Variants in MED14 observed in about 807,000 individuals in gnomAD.
MED14 encodes mediator of RNA polymerase II transcription subunit 14.
A neutral mutation model predicts 109.0 loss-of-function variants in MED14; 8 were observed. The ratio of observed to expected loss-of-function variants is 0.07; its 90% confidence interval spans 0.04 to 0.13. The LOEUF is 0.13. Ranked by LOEUF, MED14 falls within the 10% of genes least tolerant of loss-of-function variation. The pLI is 1.00. For missense variants in MED14, 711 were observed against 1,142.4 expected, an observed-to-expected ratio of 0.62 and a Z score of 5.44; for synonymous variants, 399 against 408.7, an observed-to-expected ratio of 0.98 and a Z score of 0.29.
chrX:40,721,432 G>A (rs1284162383), intron 3 of MED14, among the ~76,000 whole-genome samples: 1 of 112,682 alleles, frequency 8.9e-6, no homozygotes, highest in African/African-American at 3.2e-5. Flanking sequence ...AGAAAAGCAG[G>A]AAGGAATTCG....
intron 12 of MED14, 102 bp downstream of exon 12, chrX:40,701,063 A>T: frequency 1.9e-6 from 1 of 522,692 alleles, no homozygotes; most frequent in South Asian, 4.2e-5. Flanking sequence ...CATGTCATAA[A>T]CCTTAAGGAC....
chrX:40,693,201 T>C (rs1048237140), intron 13 of MED14, among the ~76,000 whole-genome samples: 5 of 111,604 alleles, frequency 4.5e-5, no homozygotes, highest in East Asian at 2.8e-4. Flanking sequence ...AGCTTATAAA[T>C]TGAAAAAAAC....
chrX:40,723,496 T>C (rs1427975998), intron 3 of MED14, among the ~76,000 whole-genome samples: 3 of 108,187 alleles, frequency 2.8e-5, no homozygotes, highest in Non-Finnish European at 5.7e-5. Context: ...CGAAACCCCA[T>C]CTCTACTAAA....
At chrX:40,670,767 CAA>C (rs35103655) in intron 23 of MED14, among the ~76,000 whole-genome samples, 59 of 79,142 alleles carry the variant, frequency 7.5e-4, no homozygotes, top group Non-Finnish European at 7.6e-4. Flanking sequence ...GACTCTGTCT[CAA>C]AAAAAAAAAA....
chrX:40,702,321 A>G (rs1244211034), intron 11 of MED14, among the ~76,000 whole-genome samples: 2 of 110,093 alleles, frequency 1.8e-5, no homozygotes, highest in African/African-American at 6.6e-5. Context: ...GTTAATAATC[A>G]GAAAAACAGT....
chrX:40,692,037 A>G, intron 15 of MED14, 146 bp downstream of exon 15: 1 of 443,953 alleles, frequency 2.3e-6, no homozygotes, highest in South Asian at 5.4e-5. Context: ...ATTAGATGCT[A>G]TGATTGTAAC....
chrX:40,721,663 C>T (rs1031666622), intron 3 of MED14, among the ~76,000 whole-genome samples: 15 of 112,132 alleles, frequency 1.3e-4, no homozygotes, highest in Admixed American at 9.4e-5. Context: ...GCCAGGTTAC[C>T]AGTGTAACCA....
chrX:40,683,950 G>A (rs1930213367), intron 16 of MED14, among the ~76,000 whole-genome samples: 1 of 111,374 alleles, frequency 9.0e-6, no homozygotes, highest in Non-Finnish European at 1.9e-5. Flanking sequence ...AACATGATGA[G>A]GTAATATATT....
intron 20 of MED14, 93 bp downstream of exon 20, chrX:40,680,665 G>T: frequency 4.0e-6 from 3 of 756,830 alleles, no homozygotes; most frequent in Non-Finnish European, 3.8e-6. Flanking sequence ...CAATCCTTCC[G>T]CCTCGGCCTC....
upstream of MED14, chrX:40,735,721 C>T (rs1229089646): frequency 3.0e-5 from 13 of 436,118 alleles, no homozygotes; most frequent in Non-Finnish European, 4.6e-5. Context: ...CCGCAACGTA[C>T]ATGTTGACTG....
intron 3 of MED14, among the ~76,000 whole-genome samples, chrX:40,720,856 G>A (rs1931689856): frequency 9.1e-6 from 1 of 109,752 alleles, no homozygotes; most frequent in South Asian, 3.9e-4. Context: ...GCCCCTATTC[G>A]AGGCTCTAGC....
chrX:40,700,257 G>A (rs971484910), intron 12 of MED14, among the ~76,000 whole-genome samples: 1 of 105,757 alleles, frequency 9.5e-6, no homozygotes, highest in Non-Finnish European at 1.9e-5. Flanking sequence ...TTAGGAGGCT[G>A]AAGTAGAAGA....
chrX:40,671,922 G>C lies in MED14; in HGVS notation c.3072C>G (p.Pro1024=). ...GTSGAYPLTS[P]PTSYHSTVNQ... Reference sequence around the variant, plus strand: ...TGACTGTGCTATGATAAGATGTAGGGGGTGAAGTAAGAGGATAAGCACCTG... The same window carrying C: ...TGACTGTGCTATGATAAGATGTAGGCGGTGAAGTAAGAGGATAAGCACCTG... The change falls in exon 23 of 31, where the codon CCC becomes CCG. Residue 1024 remains proline (P), a synonymous_variant. Transcript: ENST00000324817. The C allele has an allele frequency of 8.3e-7, 1 of 1,207,247 alleles. No homozygotes were observed. Among genetic ancestry groups the C allele is most frequent in the Non-Finnish European group, 1.1e-6 (1 of 892,609 alleles).
At chrX:40,696,487 A>C (rs750471597) in intron 13 of MED14, among the ~76,000 whole-genome samples, 31 of 110,696 alleles carry the variant, frequency 2.8e-4, no homozygotes, top group Non-Finnish European at 5.7e-5. Context: ...TTCATATTTA[A>C]AATTATTGCA....
At chrX:40,656,818 T>C (rs1169656423) in intron 28 of MED14, among the ~76,000 whole-genome samples, 2 of 112,892 alleles carry the variant, frequency 1.8e-5, no homozygotes, top group East Asian at 5.5e-4. Flanking sequence ...TCGAGCAATA[T>C]GCCAGGTTAG....
intron 23 of MED14, among the ~76,000 whole-genome samples, chrX:40,668,071 C>G (rs1036557608): frequency 9.0e-6 from 1 of 110,996 alleles, no homozygotes; most frequent in South Asian, 3.7e-4. Context: ...GAAATGATGC[C>G]GAATAGACAG....
chrX:40,726,668 A>G (rs1221314180), intron 3 of MED14, 78 bp downstream of exon 3: 4 of 775,410 alleles, frequency 5.2e-6, no homozygotes, highest in Non-Finnish European at 7.5e-6. Context: ...GATAAGTTAA[A>G]GCTAAAATGT....
intron 21 of MED14, among the ~76,000 whole-genome samples, chrX:40,676,133 A>C (rs992690684): frequency 9.0e-6 from 1 of 111,327 alleles, no homozygotes; most frequent in Non-Finnish European, 1.9e-5. Context: ...AAAATAGAAA[A>C]ATCAGCCAGG....
At chrX:40,718,129 CTTAG>C (rs1036621559) in intron 3 of MED14, among the ~76,000 whole-genome samples, 4 of 112,068 alleles carry the variant, frequency 3.6e-5, no homozygotes, top group African/African-American at 3.2e-5. Flanking sequence ...TCTTCTAATT[CTTAG>C]TTAGACCCAA....
Sources: gnomAD v4.1 joint callset for allele counts (sites outside exome capture counted in the v4.1 genomes callset) on GRCh38, gnomAD v4.1.1 for gene constraint, MANE v1.5 for transcripts, NCBI Gene and HGNC (gene_info 2026-07-23, HGNC 2026-07-21) for gene names.